Variants in SMARCAD1 observed in about 807,000 individuals in gnomAD.
The protein encoded by SMARCAD1 is SNF2 related chromatin remodeling ATPase with DExD box 1.
A neutral mutation model predicts 127.1 loss-of-function variants in SMARCAD1; 25 were observed. The observed-to-expected ratio is 0.20, with a 90% CI of 0.14 to 0.27. The LOEUF (loss-of-function observed/expected upper bound fraction) is 0.27. Among genes scored for constraint, SMARCAD1 ranks in the 10% least tolerant of loss-of-function variants. The pLI is 1.00. For synonymous variants in SMARCAD1, 400 were observed against 396.9 expected (o/e 1.01, Z -0.09); for missense variants, 807 against 1,206.0 (o/e 0.67, Z 4.90).
intron 10 of SMARCAD1, among the ~76,000 whole-genome samples, chr4:94,268,608 A>C (rs974356832): frequency 6.6e-6 from 1 of 152,144 alleles, no homozygotes; most frequent in Non-Finnish European, 1.5e-5. Context: ...TTTCATTTCT[A>C]CTATTTACTG....
At position 94,220,342 on chromosome 4, in the gene SMARCAD1, G is replaced by T. The variant is rs1349911296; in HGVS notation, c.191-5777G>T. 5.9e-5 allele frequency among the ~76,000 whole-genome samples: 9 copies of T among 152,096 alleles called. No individual in the cohort carries two copies. The East Asian group carries it at 7.7e-4, about 13-fold the overall frequency. On this transcript the variant is annotated intron_variant, in intron 2 of 23. Coordinates refer to ENST00000354268, the MANE Select transcript of SMARCAD1 (RefSeq NM_020159.5). ...GGCTCGCTGCAACCTCTGCCTCCCA[G>T]ATTGAAGCAATTCTCCCACCTCAGC... is the stretch of plus-strand genomic sequence containing the variant.
At chr4:94,219,073 A>T (rs986997586) in intron 2 of SMARCAD1, among the ~76,000 whole-genome samples, 1 of 152,172 alleles carries the variant, frequency 6.6e-6, no homozygotes, top group Non-Finnish European at 1.5e-5. Context: ...TGGCCTCCCA[A>T]AGTGCTGGGA....
At chr4:94,272,432 T>C (rs913532878) in intron 11 of SMARCAD1, among the ~76,000 whole-genome samples, 2 of 152,306 alleles carry the variant, frequency 1.3e-5, no homozygotes, top group African/African-American at 4.8e-5. Context: ...AATATACAGC[T>C]TAGTGACTTT....
rs779891396 is a variant in SMARCAD1 at position 94,249,677 on chromosome 4, A to G, written c.729A>G (p.Ala243=). 2 of 1,605,010 alleles carry G rather than the reference A, an allele frequency of 1.2e-6. No homozygotes were observed. Among genetic ancestry groups the G allele is most frequent in the Non-Finnish European group, 1.7e-6 (2 of 1,172,102 alleles). ...AGGGAGAGGAATCAAATGAGTCTGC[A>G]GAATCTAGCAGTAATTGGGAAAAGC... ...LDHGEESNES[A]ESSSNWEKQE... is the part of the protein sequence containing the mutation. Residue 243 remains alanine (A), a synonymous_variant, in exon 7 of 24, where the codon GCA becomes GCG. Transcript: ENST00000354268.
At chr4:94,289,440 A>G in intron 23 of SMARCAD1, 33 bp from the exon 24 acceptor site, 2 of 1,573,418 alleles carry the variant, frequency 1.3e-6, no homozygotes, top group East Asian at 2.2e-5. Context: ...AAATATTTTT[A>G]TAAAGCTTTT....
chr4:94,226,313 A>T lies in SMARCAD1; in HGVS notation c.368+17A>T. On this transcript the variant is annotated intron_variant, in intron 3 of 23. Coordinates refer to ENST00000354268, the MANE Select transcript of SMARCAD1 (RefSeq NM_020159.5). ...GATTATAGTGTAAGCTGATTAATAG[A>T]TATATTGTATTTGCATGTGTGTGAG... 3 of 1,595,582 alleles carry T rather than the reference A, an allele frequency of 1.9e-6. No individual in the cohort carries two copies. The highest frequency in any genetic ancestry group is 2.6e-6 in the Non-Finnish European group (3 of 1,164,478).
intron 10 of SMARCAD1, among the ~76,000 whole-genome samples, chr4:94,270,409 A>G (rs1275350154): frequency 6.6e-6 from 1 of 152,138 alleles, no homozygotes; most frequent in East Asian, 1.9e-4. Flanking sequence ...TCTATTATAG[A>G]TACTAGCTTA....
At chr4:94,244,203 T>C (rs1404239757) in intron 6 of SMARCAD1, among the ~76,000 whole-genome samples, 2 of 152,226 alleles carry the variant, frequency 1.3e-5, no homozygotes, top group African/African-American at 2.4e-5. Context: ...TGTAATTATA[T>C]ACACAGACCT....
At position 94,289,757 on chromosome 4, in the gene SMARCAD1, G is replaced by A; in HGVS notation, c.*223G>A. 2 of 639,052 alleles carry A rather than the reference G, an allele frequency of 3.1e-6. No homozygotes were observed. The allele number at this position is 639,052 out of a possible 1,614,324, so 39.6% of individuals were successfully genotyped here. A position where few individuals can be genotyped will look rare whatever the true frequency, so the allele number is the denominator to read the frequency against. The stretch of plus-strand genomic sequence containing the variant: ...GCCACAAATATGTAGTTCTGAAGAT[G>A]TTGAATAATCATTTTACAAAGCAGT... On this transcript the variant is annotated 3_prime_UTR_variant, in exon 24 of 24. Transcript: ENST00000354268.
chr4:94,266,415 AG>A (rs780766132), intron 10 of SMARCAD1, among the ~76,000 whole-genome samples: 3 of 152,158 alleles, frequency 2.0e-5, no homozygotes, highest in Non-Finnish European at 2.9e-5. Flanking sequence ...AATACTTAAT[AG>A]ATGAGAAAAA....
intron 15 of SMARCAD1, among the ~76,000 whole-genome samples, chr4:94,276,706 T>C (rs1275256170): frequency 6.6e-6 from 1 of 152,196 alleles, no homozygotes; most frequent in East Asian, 1.9e-4. Flanking sequence ...CTTTAAAAAA[T>C]TATTAGGTCA....
chr4:94,279,596 TG>T (rs1753737361), intron 19 of SMARCAD1, among the ~76,000 whole-genome samples: 1 of 152,218 alleles, frequency 6.6e-6, no homozygotes, highest in South Asian at 2.1e-4. Context: ...TGCCTGTTTT[TG>T]TTTTCTGGGA....
At chr4:94,281,831 G>A (rs1351950533) in intron 21 of SMARCAD1, among the ~76,000 whole-genome samples, 1 of 151,394 alleles carries the variant, frequency 6.6e-6, no homozygotes, top group Non-Finnish European at 1.5e-5. Flanking sequence ...GACTACCCTG[G>A]ACAACATGAC....
chr4:94,280,448 C>T (rs2125997603), intron 19 of SMARCAD1, 144 bp from the exon 20 acceptor site: 1 of 686,880 alleles, frequency 1.5e-6, no homozygotes, highest in South Asian at 2.0e-5. Flanking sequence ...AAGATTAATA[C>T]TAATTTTCCT....
Position 94,249,755 on chromosome 4 carries a change from G to A in SMARCAD1, c.807G>A (p.Gln269=), listed in dbSNP as rs1748995557. The A allele has an allele frequency of 1.9e-6, 3 of 1,540,738 alleles. No individual in the cohort carries two copies. The highest frequency in any genetic ancestry group is 1.7e-5 in the Admixed American group (1 of 59,864). The stretch of plus-strand genomic sequence containing the variant: ...AGGAATTTCCCAATTTTGATAAACA[G>A]GTGAGTAGTCGTGTATGAAAATTTA... ...LQKEFPNFDK[Q]ELREVLKEHE... The change falls in exon 7 of 24, where the codon CAG becomes CAA. Residue 269 remains glutamine (Q), a splice_region_variant and synonymous_variant. Coordinates refer to ENST00000354268, the MANE Select transcript of SMARCAD1 (RefSeq NM_020159.5).
chr4:94,239,677 A>T (rs1747286770), intron 5 of SMARCAD1, among the ~76,000 whole-genome samples: 1 of 151,536 alleles, frequency 6.6e-6, no homozygotes, highest in South Asian at 2.1e-4. Flanking sequence ...GGCTCAAGTG[A>T]TCCTCACGCC....
At chr4:94,230,241 A>T (rs1039078192) in intron 3 of SMARCAD1, among the ~76,000 whole-genome samples, 1 of 151,710 alleles carries the variant, frequency 6.6e-6, no homozygotes, top group Non-Finnish European at 1.5e-5. Flanking sequence ...TTCAAACCTT[A>T]GAACTAACCA....
At chr4:94,281,030 T>C (rs955417891) in intron 20 of SMARCAD1, among the ~76,000 whole-genome samples, 2 of 152,226 alleles carry the variant, frequency 1.3e-5, no homozygotes, top group African/African-American at 4.8e-5. Context: ...TAATTGTCAT[T>C]ATTTCATAGG....
At chr4:94,287,374 T>C (rs1228593446) in intron 23 of SMARCAD1, among the ~76,000 whole-genome samples, 1 of 152,172 alleles carries the variant, frequency 6.6e-6, no homozygotes, top group African/African-American at 2.4e-5. Flanking sequence ...TAAACAAAAA[T>C]GTATATTTGT....
Sources: gnomAD v4.1 joint callset for allele counts (sites outside exome capture counted in the v4.1 genomes callset) on GRCh38, gnomAD v4.1.1 for gene constraint, MANE v1.5 for transcripts, NCBI Gene and HGNC (gene_info 2026-07-23, HGNC 2026-07-21) for gene names.